Variants in MBD5 observed in about 807,000 individuals in gnomAD.
MBD5 encodes methyl-CpG-binding domain protein 5.
A neutral mutation model predicts 117.3 loss-of-function variants in MBD5; 13 were observed. That is an observed-to-expected ratio of 0.11 (90% CI 0.07 to 0.18). The LOEUF is 0.18. Among genes scored for constraint, MBD5 ranks in the 10% least tolerant of loss-of-function variants. MBD5 has a pLI of 1.00. For missense variants in MBD5, 1,879 were observed against 2,093.8 expected (o/e 0.90, Z 2.00); for synonymous variants, 727 against 766.4 (o/e 0.95, Z 0.85).
chr2:148,248,332 G>A (rs945303764), intron 3 of MBD5, among the ~76,000 whole-genome samples: 1 of 152,136 alleles, frequency 6.6e-6, no homozygotes, highest in African/African-American at 2.4e-5. Context: ...AGCTGGTATT[G>A]TGGGTTTGCT....
At chr2:148,294,196 GTTTTTTTTTTTTTTTTTTTTTTTTTTT>G (rs60942822) in intron 3 of MBD5, among the ~76,000 whole-genome samples, 2 of 127,148 alleles carry the variant, frequency 1.6e-5, no homozygotes, top group Admixed American at 1.6e-4. Flanking sequence ...CCAGAATGAA[GTTTTTTTTTTTTTTTTTTTTTTTTTTT>G]TTTTTTTTTT....
intron 1 of MBD5, among the ~76,000 whole-genome samples, chr2:148,091,799 C>T (rs1202568233): frequency 6.6e-6 from 1 of 151,934 alleles, no homozygotes; most frequent in East Asian, 1.9e-4. Context: ...AAAACAAAAA[C>T]AAAGATAAAC....
intron 1 of MBD5, among the ~76,000 whole-genome samples, chr2:148,080,531 G>A (rs75103846): frequency 0.089 from 13,544 of 152,064 alleles, 840 homozygotes; most frequent in Middle Eastern, 0.17. Context: ...TTTGAAACTA[G>A]CATTGTTTAG....
chr2:148,087,709 C>A (rs1156780696), intron 1 of MBD5, among the ~76,000 whole-genome samples: 2 of 152,164 alleles, frequency 1.3e-5, no homozygotes, highest in African/African-American at 4.8e-5. Context: ...GCAAAAGAAT[C>A]TCAACAGCAG....
chr2:148,150,594 G>C (rs1389511590), intron 1 of MBD5, among the ~76,000 whole-genome samples: 2 of 151,908 alleles, frequency 1.3e-5, no homozygotes, highest in Non-Finnish European at 2.9e-5. Flanking sequence ...TCTTCCATTT[G>C]TTTGTATCCT....
chr2:148,253,401 G>A (rs1700510467), intron 3 of MBD5, among the ~76,000 whole-genome samples: 1 of 152,242 alleles, frequency 6.6e-6, no homozygotes, highest in Middle Eastern at 3.4e-3. Context: ...AGACAGAGAA[G>A]CAGTCAGTTG....
chr2:148,431,324 G>A (rs1705977050), intron 4 of MBD5, among the ~76,000 whole-genome samples: 1 of 151,860 alleles, frequency 6.6e-6, no homozygotes, highest in Admixed American at 6.6e-5. Context: ...ATACCACTTT[G>A]GAAACAACAC....
intron 4 of MBD5, among the ~76,000 whole-genome samples, chr2:148,385,977 G>GTTA (rs1704346254): frequency 8.6e-6 from 1 of 116,676 alleles, no homozygotes; most frequent in Non-Finnish European, 1.7e-5. Flanking sequence ...GGGGGAGGGG[G>GTTA]GAGGGATAGC....
chr2:148,304,294 A>G (rs778435773), intron 3 of MBD5, among the ~76,000 whole-genome samples: 2 of 152,232 alleles, frequency 1.3e-5, no homozygotes, highest in Non-Finnish European at 2.9e-5. Flanking sequence ...ATGCAGGCAC[A>G]CAACAGTTAA....
chr2:148,051,034 A>T (rs1023458245), intron 1 of MBD5, among the ~76,000 whole-genome samples: 5 of 152,166 alleles, frequency 3.3e-5, no homozygotes, highest in African/African-American at 1.2e-4. Flanking sequence ...TCTTAACAGT[A>T]GTAACTCTTC....
In MBD5 at chr2:148,468,617, C is replaced by T. The variant is rs1680672762; in HGVS notation, c.674C>T (p.Ala225Val). The change falls in exon 8 of 14, where the codon GCG (alanine) becomes GTG (valine). Residue 225 changes from alanine (A) to valine (V), a missense_variant. By Grantham distance (64) the Ala-to-Val change is moderately conservative. Around this residue, in one of 4 missense-constraint regions of MBD5, gnomAD observed 1,666 missense variants for 1,792.2 expected, o/e 0.93. Coordinates refer to ENST00000642680, the MANE Select transcript of MBD5 (RefSeq NM_001378120.1). Reference sequence around the variant, plus strand: ...AGCCATGGAGGCCTGCCCAGCCCAGCGTCATCAGGTTCCCAGATATATGGA... The same window carrying T: ...AGCCATGGAGGCCTGCCCAGCCCAGTGTCATCAGGTTCCCAGATATATGGA... ...RGSHGGLPSP[A>V]SSGSQIYGDG... is the part of the protein sequence containing the mutation. The T allele has an allele frequency of 1.2e-6, 2 of 1,613,928 alleles. No homozygotes were observed. The highest frequency in any genetic ancestry group is 1.7e-6 in the Non-Finnish European group (2 of 1,179,898).
intron 3 of MBD5, among the ~76,000 whole-genome samples, chr2:148,327,448 G>T (rs1035201924): frequency 1.3e-5 from 2 of 152,122 alleles, no homozygotes; most frequent in Non-Finnish European, 2.9e-5. Context: ...CAGAGGGGGG[G>T]TTCCATTCTC....
At chr2:148,267,499 CA>C (rs1208261944) in intron 3 of MBD5, among the ~76,000 whole-genome samples, 1 of 152,118 alleles carries the variant, frequency 6.6e-6, no homozygotes, top group Non-Finnish European at 1.5e-5. Flanking sequence ...AATCACATCA[CA>C]TTAATTCTGA....
At chr2:148,323,989 G>A (rs1305528906) in intron 3 of MBD5, among the ~76,000 whole-genome samples, 1 of 152,178 alleles carries the variant, frequency 6.6e-6, no homozygotes, top group Non-Finnish European at 1.5e-5. Flanking sequence ...TAACGTTTAA[G>A]TCTTTAATCC....
intron 2 of MBD5, among the ~76,000 whole-genome samples, chr2:148,181,477 C>T (rs1054245436): frequency 6.6e-6 from 1 of 152,132 alleles, no homozygotes; most frequent in Non-Finnish European, 1.5e-5. Flanking sequence ...TTACAGACTC[C>T]AGCAATAACC....
chr2:148,459,577 T>C (rs1176931756), intron 5 of MBD5, among the ~76,000 whole-genome samples: 102 of 152,320 alleles, frequency 6.7e-4, no homozygotes, highest in Admixed American at 6.5e-3. Context: ...TGAAAGAAGA[T>C]ACCATAAATC....
chr2:148,178,297 A>C (rs1465922835), intron 1 of MBD5, among the ~76,000 whole-genome samples: 1 of 152,232 alleles, frequency 6.6e-6, no homozygotes, highest in Non-Finnish European at 1.5e-5. Context: ...TTTTATAAGC[A>C]ACTCAAGTGT....
At chr2:148,386,265 G>C (rs1249664560) in intron 4 of MBD5, among the ~76,000 whole-genome samples, 1 of 152,012 alleles carries the variant, frequency 6.6e-6, no homozygotes, top group Non-Finnish European at 1.5e-5. Context: ...CAGCCAATGG[G>C]ATCCACAAAA....
intron 4 of MBD5, among the ~76,000 whole-genome samples, chr2:148,382,842 C>A (rs971805795): frequency 8.6e-5 from 13 of 151,944 alleles, no homozygotes; most frequent in African/African-American, 3.1e-4. Context: ...GAACAACCTG[C>A]TCCTGAATGA....
Sources: gnomAD v4.1 joint callset for allele counts (sites outside exome capture counted in the v4.1 genomes callset) on GRCh38, gnomAD v4.1.1 for gene constraint, gnomAD v4.1.1 regional missense constraint, MANE v1.5 for transcripts, NCBI Gene and HGNC (gene_info 2026-07-23, HGNC 2026-07-21) for gene names.